Variants in KCNQ1 observed in about 807,000 individuals in gnomAD.
KCNQ1 encodes the protein potassium voltage-gated channel subfamily Q member 1.
Under a neutral mutation model 72.4 loss-of-function variants are expected in KCNQ1, and 49 were observed. That is an observed-to-expected ratio of 0.68 (90% CI 0.54 to 0.86). The LOEUF (loss-of-function observed/expected upper bound fraction) is 0.86. KCNQ1 is among the 40% of genes least tolerant of loss of function. The probability of loss-of-function intolerance (pLI) is 0.00; values close to 1 mark genes in which losing one functional copy is unlikely to be tolerated. For missense variants in KCNQ1, 790 were observed against 945.1 expected (o/e 0.84, Z 2.15); for synonymous variants, 450 against 412.6 (o/e 1.09, Z -1.10).
chr11:2,454,479 C>T (rs764104710), intron 1 of KCNQ1, among the ~76,000 whole-genome samples: 3 of 152,106 alleles, frequency 2.0e-5, no homozygotes, highest in Non-Finnish European at 4.4e-5. Flanking sequence ...TGACATATTT[C>T]TAGCGGGTTA....
At chr11:2,839,890 A>G (rs555805383) in intron 15 of KCNQ1, 1 of 152,340 alleles carries the variant, frequency 6.6e-6, no homozygotes, top group Non-Finnish European at 1.5e-5. Context: ...ACCTCCAGAC[A>G]GCAGGGCCCT....
chr11:2,665,185 C>A, intron 11 of KCNQ1: 1 of 398,720 alleles, frequency 2.5e-6, no homozygotes, highest in East Asian at 3.6e-5. Context: ...AGGACTCAGC[C>A]TCGAACACAC....
Position 2,565,981 on chromosome 11 carries a change from T to A in KCNQ1, c.478-4647T>A, listed in dbSNP as rs962513122. 2.0e-5 allele frequency among the ~76,000 whole-genome samples: 3 copies of A among 152,006 alleles called. No individual in the cohort carries two copies. The highest frequency in any genetic ancestry group is 6.5e-5 in the Admixed American group (1 of 15,270). ...CCTCCCTCCAGGCCAGACCCAGCTCTCCAGCTTCCCGGCTGCCCACTAGAT... is the reference window on the plus strand; with the variant it reads ...CCTCCCTCCAGGCCAGACCCAGCTCACCAGCTTCCCGGCTGCCCACTAGAT... On this transcript the variant is annotated intron_variant, in intron 2 of 15. Transcript: ENST00000155840. This position sits in a 1 kb window ranked among gnomAD's most constrained non-coding sequence, Gnocchi z 5.6.
intron 11 of KCNQ1, among the ~76,000 whole-genome samples, chr11:2,761,341 C>T (rs1160991568): frequency 1.3e-5 from 2 of 152,106 alleles, no homozygotes; most frequent in African/African-American, 2.4e-5. Flanking sequence ...AACGTCCAGC[C>T]GCTTGTGTCT....
chr11:2,839,531 CAT>C (rs528473202), intron 15 of KCNQ1, among the ~76,000 whole-genome samples: 152 of 148,564 alleles, frequency 1.0e-3, no homozygotes, highest in Middle Eastern at 6.8e-3. Flanking sequence ...ACACGGCACA[CAT>C]AGACCCCCTG....
Position 2,663,120 on chromosome 11 carries a change from A to G in KCNQ1, c.1514+1039A>G, listed in dbSNP as rs1403663537. On this transcript the variant is annotated intron_variant, in intron 11 of 15. Transcript: ENST00000155840. The surrounding 1 kb of genome is among the most constrained non-coding windows in gnomAD (Gnocchi z 5.2). ...GGAAGGAGTGGCTATCTTAAGGGGT[A>G]ATTATGATCAGACAGGACCTGCCCA... 1 of 398,642 alleles carries G rather than the reference A, an allele frequency of 2.5e-6. No homozygotes were observed. Among genetic ancestry groups the G allele is most frequent in the East Asian group, 3.6e-5 (1 of 28,054 alleles). 24.7% of individuals were successfully genotyped at this position (398,642 alleles called of 1,614,324 possible).
chr11:2,551,059 C>T (rs1367704432), intron 2 of KCNQ1, among the ~76,000 whole-genome samples: 1 of 152,170 alleles, frequency 6.6e-6, no homozygotes, highest in African/African-American at 2.4e-5. Flanking sequence ...TGTTGACTGA[C>T]TCATGCATTT....
At chr11:2,693,571 G>T (rs925999485) in intron 11 of KCNQ1, 1 of 398,666 alleles carries the variant, frequency 2.5e-6, no homozygotes, top group Non-Finnish European at 4.4e-6. Flanking sequence ...CGGAGGAGCA[G>T]GGATTCTTCC....
intron 11 of KCNQ1, among the ~76,000 whole-genome samples, chr11:2,747,968 A>G (rs1404782433): frequency 1.3e-5 from 2 of 152,106 alleles, no homozygotes; most frequent in Admixed American, 1.3e-4. Context: ...TTGAAAACAG[A>G]CCAGAACCGG....
At chr11:2,540,412 C>T (rs1038507071) in intron 2 of KCNQ1, among the ~76,000 whole-genome samples, 2 of 152,220 alleles carry the variant, frequency 1.3e-5, no homozygotes, top group South Asian at 2.1e-4. Flanking sequence ...TCGAGCACCT[C>T]GGATCCCAGC....
At chr11:2,634,373 C>T (rs1849420005) in intron 10 of KCNQ1, 1 of 255,044 alleles carries the variant, frequency 3.9e-6, no homozygotes, top group Admixed American at 5.5e-5. Flanking sequence ...GTTCCCCTTC[C>T]TACGTCCAAG....
chr11:2,812,303 C>T lies in KCNQ1; in HGVS notation c.1794+34266C>T, dbSNP rs186887289. 3.3e-5 allele frequency among the ~76,000 whole-genome samples: 5 copies of T among 152,240 alleles called. No individual in the cohort carries two copies. In the East Asian group the frequency reaches 9.7e-4, roughly 29 times the overall value. On this transcript the variant is annotated intron_variant, in intron 15 of 15. Coordinates refer to ENST00000155840, the MANE Select transcript of KCNQ1 (RefSeq NM_000218.3). The stretch of plus-strand genomic sequence containing the variant: ...CTCCTTCTCTCTCCTTCCTTCTTTC[C>T]CCCTTCCCTCCTTCCCTCCCTCTCT...
intron 1 of KCNQ1, among the ~76,000 whole-genome samples, chr11:2,501,276 A>G (rs905635700): frequency 6.6e-6 from 1 of 151,974 alleles, no homozygotes; most frequent in Non-Finnish European, 1.5e-5. Flanking sequence ...AAATTGACAA[A>G]CCTTTAGCCA....
chr11:2,656,549 T>G (rs1849851616), intron 10 of KCNQ1: 1 of 398,584 alleles, frequency 2.5e-6, no homozygotes, highest in South Asian at 1.3e-4. Flanking sequence ...GCAACACCTT[T>G]CCACATGCTC....
In KCNQ1 at chr11:2,695,693, C is replaced by G. The variant is rs549237737; in HGVS notation, c.1514+33612C>G. The G allele has an allele frequency of 4.2e-4, 169 of 398,648 alleles. 1 individual carries two copies. The Middle Eastern group carries it at 5.7e-3, about 13-fold the overall frequency. The allele number at this position is 398,648 out of a possible 1,614,324, so 24.7% of individuals were successfully genotyped here. ...AGAAGTGTTGGCCAGCTCTTCAGAACGTCTGTGCCTGTCTCCGTCCCCACC... is the reference window on the plus strand; with the variant it reads ...AGAAGTGTTGGCCAGCTCTTCAGAAGGTCTGTGCCTGTCTCCGTCCCCACC... On this transcript the variant is annotated intron_variant, in intron 11 of 15. Transcript: ENST00000155840. This position sits in a 1 kb window ranked among gnomAD's most constrained non-coding sequence, Gnocchi z 5.2.
chr11:2,649,607 G>A (rs1446898036), intron 10 of KCNQ1: 1 of 398,410 alleles, frequency 2.5e-6, no homozygotes, highest in Non-Finnish European at 4.4e-6. Flanking sequence ...TCCCCACCTT[G>A]CAGCACTTTT....
At chr11:2,640,826 C>A (rs567478925) in intron 10 of KCNQ1, 3 of 399,036 alleles carry the variant, frequency 7.5e-6, no homozygotes, top group South Asian at 1.3e-4. Context: ...TCTCTTCACC[C>A]TCCAGACATA....
intron 11 of KCNQ1, among the ~76,000 whole-genome samples, chr11:2,730,634 C>G (rs1357919952): frequency 6.6e-6 from 1 of 152,162 alleles, no homozygotes; most frequent in Non-Finnish European, 1.5e-5. Context: ...GGACTTTGTC[C>G]CTAGGCATCC....
rs1168720445 is a variant in KCNQ1 at position 2,516,127 on chromosome 11, T to C, written c.387-11801T>C. On this transcript the variant is annotated intron_variant, in intron 1 of 15. Transcript: ENST00000155840. The surrounding 1 kb of genome is among the most constrained non-coding windows in gnomAD (Gnocchi z 7.0). ...CAGGCTTACTTCTGGGTTGTAGTTT[T>C]CGGGGTGCTTCGAGGTGCTGTGGGG... Among the ~76,000 whole-genome samples the C allele has an allele frequency of 6.6e-6, 1 of 152,012 alleles. No homozygotes were observed. Among genetic ancestry groups the C allele is most frequent in the Non-Finnish European group, 1.5e-5 (1 of 67,986 alleles).
Sources: allele counts gnomAD v4.1 joint callset (sites outside exome capture counted in the v4.1 genomes callset), GRCh38; gene constraint gnomAD v4.1.1; non-coding constraint Gnocchi (gnomAD v3.1); transcripts MANE v1.5; gene names NCBI Gene and HGNC (gene_info 2026-07-23, HGNC 2026-07-21).